The following FBXO42 variants were observed in gnomAD, a reference collection of about 807,000 sequenced individuals.
FBXO42 encodes the protein F-box only protein 42.
FBXO42 carries 12 observed loss-of-function variants against 71.7 expected under a neutral mutation model. The ratio of observed to expected loss-of-function variants is 0.17; its 90% confidence interval spans 0.11 to 0.27. FBXO42 has a LOEUF of 0.27. Among genes scored for constraint, FBXO42 ranks in the 10% least tolerant of loss-of-function variants. FBXO42 has a pLI of 1.00. For missense variants in FBXO42, 707 were observed against 911.9 expected, an observed-to-expected ratio of 0.78 and a Z score of 2.89; for synonymous variants, 325 against 327.5, an observed-to-expected ratio of 0.99 and a Z score of 0.08.
chr1:16,290,150 A>G (rs2082063244), intron 4 of FBXO42, among the ~76,000 whole-genome samples: 1 of 151,928 alleles, frequency 6.6e-6, no homozygotes, highest in Non-Finnish European at 1.5e-5. Flanking sequence ...ACTCGTCACC[A>G]CTCTACCTCC....
chr1:16,301,410 C>T (rs1022876472), intron 3 of FBXO42, among the ~76,000 whole-genome samples: 1 of 152,090 alleles, frequency 6.6e-6, no homozygotes, highest in African/African-American at 2.4e-5. Context: ...CACCTGCAAT[C>T]CCAGCACTTT....
intron 4 of FBXO42, among the ~76,000 whole-genome samples, chr1:16,279,500 C>A (rs567570321): frequency 8.5e-5 from 13 of 152,146 alleles, no homozygotes; most frequent in Non-Finnish European, 1.8e-4. Flanking sequence ...CTGCTCCTCA[C>A]CAAAAAAATT....
chr1:16,318,837 AG>A (rs1052398118), intron 1 of FBXO42, among the ~76,000 whole-genome samples: 1 of 152,146 alleles, frequency 6.6e-6, no homozygotes, highest in East Asian at 1.9e-4. Context: ...ACGGCCACTC[AG>A]GGGAATCTAG....
chr1:16,259,991 C>A (rs2081692493), intron 4 of FBXO42, among the ~76,000 whole-genome samples: 1 of 152,138 alleles, frequency 6.6e-6, no homozygotes, highest in African/African-American at 2.4e-5. Flanking sequence ...ACATTTCTAT[C>A]ATTGCAGAAA....
At chr1:16,317,922 GAAA>G (rs976103262) in intron 1 of FBXO42, among the ~76,000 whole-genome samples, 7 of 115,420 alleles carry the variant, frequency 6.1e-5, no homozygotes, top group African/African-American at 1.9e-4. Context: ...ATGTCTCGAA[GAAA>G]AAAAAAAAAA....
At chr1:16,283,893 T>G (rs2081993363) in intron 4 of FBXO42, among the ~76,000 whole-genome samples, 1 of 152,196 alleles carries the variant, frequency 6.6e-6, no homozygotes, top group Non-Finnish European at 1.5e-5. Context: ...AGTTTTAATT[T>G]AAATGTAAAA....
intron 4 of FBXO42, among the ~76,000 whole-genome samples, chr1:16,265,894 A>T: frequency 6.6e-6 from 1 of 152,180 alleles, no homozygotes; most frequent in East Asian, 1.9e-4. Context: ...CAGGTGTCTT[A>T]GGCAATAATA....
intron 6 of FBXO42, among the ~76,000 whole-genome samples, chr1:16,254,223 C>A (rs563728082): frequency 6.6e-6 from 1 of 152,192 alleles, no homozygotes; most frequent in South Asian, 2.1e-4. Context: ...TTTTTTTAAC[C>A]ATCTATTAAC....
At chr1:16,331,422 A>AAATAATAATAATAATAAT (rs200267691) in intron 1 of FBXO42, among the ~76,000 whole-genome samples, 12 of 145,684 alleles carry the variant, frequency 8.2e-5, no homozygotes, top group African/African-American at 3.0e-4. Context: ...CTCAAAAAGA[A>AAATAATAATAATAATAAT]AATAATAATA....
intron 4 of FBXO42, among the ~76,000 whole-genome samples, chr1:16,281,204 C>T (rs2081959948): frequency 6.6e-6 from 1 of 152,148 alleles, no homozygotes; most frequent in Non-Finnish European, 1.5e-5. Context: ...TCAGGTGATC[C>T]GCCCGCCTCG....
At chr1:16,263,338 C>A (rs576309523) in intron 4 of FBXO42, among the ~76,000 whole-genome samples, 1 of 151,992 alleles carries the variant, frequency 6.6e-6, no homozygotes, top group Non-Finnish European at 1.5e-5. Context: ...GTCCCAGCTA[C>A]TCAGGAGGCT....
chr1:16,263,762 A>G (rs1023087063), intron 4 of FBXO42, among the ~76,000 whole-genome samples: 1 of 151,552 alleles, frequency 6.6e-6, no homozygotes, highest in African/African-American at 2.4e-5. Context: ...ACCAAAAAAC[A>G]AAACAAAACA....
intron 4 of FBXO42, among the ~76,000 whole-genome samples, chr1:16,260,746 A>G (rs1253459956): frequency 8.6e-5 from 13 of 152,044 alleles, no homozygotes; most frequent in Admixed American, 6.6e-4. Context: ...CCCAGGCTGG[A>G]GTGCAGTGGT....
intron 1 of FBXO42, among the ~76,000 whole-genome samples, chr1:16,323,252 A>C (rs1465218930): frequency 1.3e-5 from 2 of 151,532 alleles, no homozygotes; most frequent in Non-Finnish European, 2.9e-5. Context: ...CCCCATCTCT[A>C]CTAAAAATAC....
chr1:16,307,925 C>T lies in FBXO42; in HGVS notation c.251-2006G>A, dbSNP rs553936265. On this transcript the variant is annotated intron_variant, in intron 2 of 9. Coordinates refer to ENST00000375592, the MANE Select transcript of FBXO42 (RefSeq NM_018994.3). ...CCCCAGCAAATTATTTTGTGAATAT[C>T]GACAAACTGTTTCCACAGTTTATGT... Among the ~76,000 whole-genome samples, 8 of 152,250 alleles carry T rather than the reference C, an allele frequency of 5.3e-5. No individual in the cohort carries two copies. In the South Asian group the frequency reaches 6.2e-4, roughly 12 times the overall value.
At chr1:16,257,547 A>G (rs1270389658) in intron 4 of FBXO42, among the ~76,000 whole-genome samples, 1 of 152,246 alleles carries the variant, frequency 6.6e-6, no homozygotes, top group African/African-American at 2.4e-5. Flanking sequence ...TTACAGGAGC[A>G]TAATTTTTCA....
Position 16,281,453 on chromosome 1 carries a change from C to G in FBXO42, c.502+13330G>C, listed in dbSNP as rs867779061. On this transcript the variant is annotated intron_variant, in intron 4 of 9. Transcript: ENST00000375592. Reference sequence around the variant, plus strand: ...CTGGGTTTGTAAAAGGTGGCTATTTCTTTTCTTTTTCTTTTTTTGTTTTTT... The same window carrying G: ...CTGGGTTTGTAAAAGGTGGCTATTTGTTTTCTTTTTCTTTTTTTGTTTTTT... Among the ~76,000 whole-genome samples the G allele has an allele frequency of 7.1e-4, 107 of 150,288 alleles. 1 individual carries two copies. In the Middle Eastern group the frequency reaches 0.01, roughly 15 times the overall value.
rs193140595 is a variant in FBXO42, at chr1:16,299,938, C to G, written c.368-5021G>C. ...GATTACAGGCGTGAGCCACCATGCC[C>G]GGCCACACTCAACTATTTTAAGCAC... On this transcript the variant is annotated intron_variant, in intron 3 of 9. Transcript: ENST00000375592. Among the ~76,000 whole-genome samples, 132 of 152,254 alleles carry G rather than the reference C, an allele frequency of 8.7e-4. 2 individuals are homozygous for G. The South Asian group carries it at 0.013, about 15-fold the overall frequency.
intron 4 of FBXO42, among the ~76,000 whole-genome samples, chr1:16,258,986 C>T (rs1210995153): frequency 6.6e-6 from 1 of 152,158 alleles, no homozygotes; most frequent in African/African-American, 2.4e-5. Context: ...GCGATCCTCC[C>T]GCCTCAGCCT....
Sources: gnomAD v4.1 joint callset for allele counts (sites outside exome capture counted in the v4.1 genomes callset) on GRCh38, gnomAD v4.1.1 for gene constraint, MANE v1.5 for transcripts, NCBI Gene and HGNC (gene_info 2026-07-23, HGNC 2026-07-21) for gene names.